PAK5: variants seen among roughly 807,000 people sequenced by gnomAD.
PAK5 encodes serine/threonine-protein kinase PAK 5.
In PAK5, 16 loss-of-function variants were observed where a neutral mutation model predicts 65.9. That is an observed-to-expected ratio of 0.24 (90% CI 0.16 to 0.37). The LOEUF is 0.37. PAK5 is among the 10% of genes least tolerant of loss of function. PAK5 has a pLI of 1.00. For missense variants in PAK5, 785 were observed against 903.9 expected (o/e 0.87, Z 1.69); for synonymous variants, 371 against 354.9 (o/e 1.05, Z -0.51).
chr20:9,597,237 T>A (rs1263751008), intron 3 of PAK5, among the ~76,000 whole-genome samples: 1 of 152,138 alleles, frequency 6.6e-6, no homozygotes, highest in African/African-American at 2.4e-5. Context: ...AGCTTCAAAA[T>A]TCTGTTGCTT....
intron 3 of PAK5, among the ~76,000 whole-genome samples, chr20:9,622,738 G>A (rs1163963340): frequency 5.9e-5 from 9 of 152,162 alleles, no homozygotes; most frequent in Non-Finnish European, 1.2e-4. Context: ...CTCCTTATGA[G>A]AATCTAATGC....
At chr20:9,637,211 G>T (rs11908322) in intron 3 of PAK5, among the ~76,000 whole-genome samples, 1,828 of 152,136 alleles carry the variant, frequency 0.012, 42 homozygotes, top group African/African-American at 0.041. Context: ...GGTTTTGCTA[G>T]GTTGCCCAGG....
intron 7 of PAK5, among the ~76,000 whole-genome samples, chr20:9,550,341 T>A (rs1189396290): frequency 6.6e-6 from 1 of 152,156 alleles, no homozygotes; most frequent in Non-Finnish European, 1.5e-5. Context: ...CCAGTCAATC[T>A]TGCTACCTGG....
At chr20:9,594,411 T>C (rs1405679504) in intron 3 of PAK5, among the ~76,000 whole-genome samples, 1 of 152,240 alleles carries the variant, frequency 6.6e-6, no homozygotes, top group East Asian at 1.9e-4. Flanking sequence ...TTGTGATTCA[T>C]GGCAACATCC....
intron 3 of PAK5, among the ~76,000 whole-genome samples, chr20:9,621,723 C>G (rs1052779974): frequency 6.6e-6 from 1 of 152,186 alleles, no homozygotes; most frequent in Non-Finnish European, 1.5e-5. Flanking sequence ...GCAGGCCACT[C>G]CTCCTGAGAA....
chr20:9,761,995 C>T (rs2048705752), intron 1 of PAK5, among the ~76,000 whole-genome samples: 1 of 151,778 alleles, frequency 6.6e-6, no homozygotes, highest in Non-Finnish European at 1.5e-5. Flanking sequence ...ACAAGGGCAG[C>T]AAGAATACAA....
chr20:9,682,625 C>T lies in PAK5; in HGVS notation c.-12+28661G>A, dbSNP rs537709703. On this transcript the variant is annotated intron_variant, in intron 2 of 9. Transcript: ENST00000353224. ...CTTGAATATTAGGACTACAAACACT[C>T]GGGGACCCAAGGTCCTGGGGAAAGG... Among the ~76,000 whole-genome samples, 11 of 152,308 alleles carry T rather than the reference C, an allele frequency of 7.2e-5. No homozygotes were observed. The East Asian group carries it at 1.7e-3, about 24-fold the overall frequency.
At chr20:9,630,483 T>A (rs2046907284) in intron 3 of PAK5, among the ~76,000 whole-genome samples, 1 of 152,210 alleles carries the variant, frequency 6.6e-6, no homozygotes. Flanking sequence ...TCTGTGGATG[T>A]GGCATCACCT....
At chr20:9,718,103 T>C (rs1227378649) in intron 1 of PAK5, among the ~76,000 whole-genome samples, 2 of 152,108 alleles carry the variant, frequency 1.3e-5, no homozygotes, top group Non-Finnish European at 2.9e-5. Flanking sequence ...ATATCAATAA[T>C]ATATTCATAT....
intron 7 of PAK5, among the ~76,000 whole-genome samples, chr20:9,544,913 C>G (rs61559796): frequency 1.3e-5 from 2 of 152,240 alleles, no homozygotes; most frequent in Admixed American, 1.3e-4. Flanking sequence ...AATTTAGATT[C>G]TTTTGAGTTG....
intron 3 of PAK5, among the ~76,000 whole-genome samples, chr20:9,599,966 A>T (rs1197403457): frequency 6.6e-6 from 1 of 152,084 alleles, no homozygotes; most frequent in African/African-American, 2.4e-5. Context: ...TCCTTCTAAA[A>T]GTTTTATAGT....
At chr20:9,788,132 C>T (rs537159379) in intron 1 of PAK5, among the ~76,000 whole-genome samples, 45 of 152,068 alleles carry the variant, frequency 3.0e-4, no homozygotes, top group African/African-American at 9.2e-4. Context: ...TGATTTTATA[C>T]CAATGATGGT....
At position 9,581,042 on chromosome 20, in the gene PAK5, C is replaced by T. The variant is rs548020466; in HGVS notation, c.205-112G>A. On this transcript the variant is annotated intron_variant, in intron 3 of 9. Coordinates refer to ENST00000353224, the MANE Select transcript of PAK5 (RefSeq NM_177990.4). Reference sequence around the variant, plus strand: ...TTAAACTACAGAAGAAAAAAGACCCCGGGAACACTTAACACAAAATGATAA... The same window carrying T: ...TTAAACTACAGAAGAAAAAAGACCCTGGGAACACTTAACACAAAATGATAA... The T allele has an allele frequency of 6.9e-6, 5 of 721,116 alleles. No individual in the cohort carries two copies. In the Admixed American group the frequency reaches 7.8e-5, roughly 11 times the overall value. 44.7% of individuals were successfully genotyped at this position (721,116 alleles called of 1,614,324 possible). A position where few individuals can be genotyped will look rare whatever the true frequency, so the allele number is the denominator to read the frequency against.
chr20:9,648,099 G>A (rs2047156618), intron 2 of PAK5, among the ~76,000 whole-genome samples: 1 of 152,098 alleles, frequency 6.6e-6, no homozygotes, highest in South Asian at 2.1e-4. Flanking sequence ...CTCTGTCAGG[G>A]GTCCCAAAGA....
intron 1 of PAK5, among the ~76,000 whole-genome samples, chr20:9,727,686 C>A (rs1231136087): frequency 6.6e-6 from 1 of 151,960 alleles, no homozygotes; most frequent in Non-Finnish European, 1.5e-5. Flanking sequence ...ATTTATATCA[C>A]CATGTACATG....
chr20:9,797,241 G>GT (rs1359943605), intron 1 of PAK5, among the ~76,000 whole-genome samples: 1 of 151,720 alleles, frequency 6.6e-6, no homozygotes, highest in Non-Finnish European at 1.5e-5. Flanking sequence ...GGGGTTGTTT[G>GT]TTTTTTTCTT....
intron 1 of PAK5, among the ~76,000 whole-genome samples, chr20:9,712,511 A>C (rs2048090315): frequency 6.6e-6 from 1 of 152,166 alleles, no homozygotes; most frequent in South Asian, 2.1e-4. Flanking sequence ...AGAAATAGAA[A>C]AAGGAATCCT....
At chr20:9,642,515 G>C (rs1345618812) in intron 3 of PAK5, among the ~76,000 whole-genome samples, 1 of 152,168 alleles carries the variant, frequency 6.6e-6, no homozygotes, top group Non-Finnish European at 1.5e-5. Context: ...AGGGCACACT[G>C]CTCATTGCAT....
rs139983955 is a variant in PAK5 at position 9,606,389 on chromosome 20, T to C, written c.205-25459A>G. ...AGAGGAGGTGAGCCAATTACTCTTTTCTTTATAAATTACCCAGTCTTAGTT... is the reference window on the plus strand; with the variant it reads ...AGAGGAGGTGAGCCAATTACTCTTTCCTTTATAAATTACCCAGTCTTAGTT... On this transcript the variant is annotated intron_variant, in intron 3 of 9. Coordinates refer to ENST00000353224, the MANE Select transcript of PAK5 (RefSeq NM_177990.4). Among the ~76,000 whole-genome samples, 564 of 152,306 alleles carry C rather than the reference T, an allele frequency of 3.7e-3. 4 individuals are homozygous for C. Among genetic ancestry groups the C allele is most frequent in the African/African-American group, 0.013 (544 of 41,554 alleles).
Sources: gnomAD v4.1 joint callset for allele counts (sites outside exome capture counted in the v4.1 genomes callset) on GRCh38, gnomAD v4.1.1 for gene constraint, MANE v1.5 for transcripts, NCBI Gene and HGNC (gene_info 2026-07-23, HGNC 2026-07-21) for gene names.